The following PPFIBP2 variants were observed in gnomAD, a reference collection of about 807,000 sequenced individuals.
The protein encoded by PPFIBP2 is PPFIB scaffold protein 2.
A neutral mutation model predicts 118.3 loss-of-function variants in PPFIBP2; 118 were observed. The ratio of observed to expected loss-of-function variants is 1.00; its 90% CI spans 0.86 to 1.16. PPFIBP2 has a LOEUF of 1.16. PPFIBP2 is among the 50% of genes most tolerant of loss of function. The pLI is 0.00. For missense variants in PPFIBP2, 1,195 were observed against 1,073.1 expected (o/e 1.11, Z -1.59); for synonymous variants, 414 against 397.4 (o/e 1.04, Z -0.50).
intron 1 of PPFIBP2, among the ~76,000 whole-genome samples, chr11:7,517,249 G>A (rs1179735392): frequency 6.6e-6 from 1 of 152,182 alleles, no homozygotes; most frequent in Non-Finnish European, 1.5e-5. Flanking sequence ...GCTCGAGTGA[G>A]GGTGATGAGT....
chr11:7,569,974 T>C (rs983417183), intron 3 of PPFIBP2, among the ~76,000 whole-genome samples: 3 of 152,150 alleles, frequency 2.0e-5, no homozygotes, highest in African/African-American at 7.2e-5. Context: ...GCAGTGCTCA[T>C]CAGTGGCCCT....
rs1859618321 is a variant in PPFIBP2 at position 7,592,988 on chromosome 11, G to T, written c.280-144G>T. The stretch of plus-strand genomic sequence containing the variant: ...CCTCATGGTAGTTTTGAAATCTTGT[G>T]GTTTCCTGTTTTGATGATTGGTTTT... On this transcript the variant is annotated intron_variant, in intron 3 of 23. Transcript: ENST00000299492. The T allele has an allele frequency of 1.2e-5, 15 of 1,261,058 alleles. No homozygotes were observed. In the South Asian group the frequency reaches 2.4e-4, roughly 20 times the overall value. 78.1% of individuals were successfully genotyped at this position (1,261,058 alleles called of 1,614,324 possible).
intron 3 of PPFIBP2, chr11:7,576,619 G>C (rs1590322783): frequency 6.6e-6 from 1 of 152,656 alleles, no homozygotes. Flanking sequence ...TCCTTGGTTT[G>C]TAAAGCAGGT....
In PPFIBP2 at chr11:7,648,847, A is replaced by G. The variant is rs761637814; in HGVS notation, c.1845A>G (p.Ala615=). 1 of 1,614,190 alleles carries G rather than the reference A, an allele frequency of 6.2e-7. No individual in the cohort carries two copies. Among genetic ancestry groups the G allele is most frequent in the Non-Finnish European group, 8.5e-7 (1 of 1,180,028 alleles). The change falls in exon 19 of 24, where the codon GCA becomes GCG. Residue 615 remains alanine (A), a synonymous_variant. Coordinates refer to ENST00000299492, the MANE Select transcript of PPFIBP2 (RefSeq NM_003621.5). ...TCCACAGGAAGAAGCTTGTTTTAGC[A>G]GTGAAAGCCATCAACACCAAACAGG... The part of the protein sequence containing the change: ...HPLHRKKLVL[A]VKAINTKQEE...
At chr11:7,640,599 C>G (rs368801512) in intron 15 of PPFIBP2, among the ~76,000 whole-genome samples, 2 of 152,234 alleles carry the variant, frequency 1.3e-5, no homozygotes, top group Non-Finnish European at 2.9e-5. Flanking sequence ...AAGGCCAGCT[C>G]TGCCGTTGGC....
At chr11:7,597,714 G>A in intron 5 of PPFIBP2, 41 bp downstream of exon 5, 2 of 1,508,468 alleles carry the variant, frequency 1.3e-6, no homozygotes, top group Non-Finnish European at 1.8e-6. Context: ...TGCCGAAGCA[G>A]CTCATGTGCT....
At chr11:7,652,096 G>A (rs1379651899) in intron 23 of PPFIBP2, among the ~76,000 whole-genome samples, 2 of 152,264 alleles carry the variant, frequency 1.3e-5, no homozygotes, top group Non-Finnish European at 2.9e-5. Flanking sequence ...CCTATCCTCA[G>A]GTGGCTTAGA....
intron 5 of PPFIBP2, among the ~76,000 whole-genome samples, chr11:7,604,583 C>G (rs531304412): frequency 1.2e-4 from 18 of 151,976 alleles, no homozygotes; most frequent in Non-Finnish European, 2.4e-4. Context: ...TACTCACCCA[C>G]CCATCCACAC....
chr11:7,635,945 T>G (rs1189082508), intron 14 of PPFIBP2, among the ~76,000 whole-genome samples: 5 of 152,180 alleles, frequency 3.3e-5, no homozygotes, highest in Admixed American at 6.5e-5. Context: ...TGTGCTGATA[T>G]GTCATGGTTA....
chr11:7,558,253 G>A (rs758885784), intron 2 of PPFIBP2, among the ~76,000 whole-genome samples: 1 of 152,350 alleles, frequency 6.6e-6, no homozygotes, highest in East Asian at 1.9e-4. Context: ...AGGTGGAAGA[G>A]ATATGAGGAA....
rs955090267 is a variant in PPFIBP2 at position 7,649,020 on chromosome 11, C to T, written c.1909+109C>T. Reference sequence around the variant, plus strand: ...AGGACAGCTGTCTCCTTGTAAAAAGCAGAGGAATTACTAAACTTTTGGGGG... The same window carrying T: ...AGGACAGCTGTCTCCTTGTAAAAAGTAGAGGAATTACTAAACTTTTGGGGG... On this transcript the variant is annotated intron_variant, in intron 19 of 23. Transcript: ENST00000299492. 6.4e-5 allele frequency: 85 copies of T among 1,321,416 alleles called. No individual in the cohort carries two copies. In the Admixed American group the frequency reaches 1.7e-3, roughly 26 times the overall value. 81.9% of individuals were successfully genotyped at this position (1,321,416 alleles called of 1,614,324 possible). A position where few individuals can be genotyped will look rare whatever the true frequency, so the allele number is the denominator to read the frequency against.
At chr11:7,633,489 T>A (rs1031964168) in intron 12 of PPFIBP2, among the ~76,000 whole-genome samples, 4 of 152,164 alleles carry the variant, frequency 2.6e-5, no homozygotes, top group Admixed American at 2.6e-4. Context: ...CAGCACACAT[T>A]TTGAAATTGA....
chr11:7,641,794 A>G, intron 16 of PPFIBP2, 174 bp downstream of exon 16: 1 of 698,452 alleles, frequency 1.4e-6, no homozygotes, highest in Non-Finnish European at 2.4e-6. Context: ...AAGGAGAAGT[A>G]TGAAAGACAC....
At chr11:7,649,298 T>C (rs1029216153) in intron 20 of PPFIBP2, 63 bp downstream of exon 20, 26 of 1,440,186 alleles carry the variant, frequency 1.8e-5, no homozygotes, top group Non-Finnish European at 2.0e-5. Flanking sequence ...CGTGTACCCA[T>C]GGTGGTTATT....
At chr11:7,655,580 C>CA (rs1411740064), downstream of PPFIBP2, 14 of 1,122,710 alleles carry the variant, frequency 1.2e-5, no homozygotes, top group Non-Finnish European at 1.7e-5. Flanking sequence ...GTGGTATGCA[C>CA]AAGGCCTGGG....
At chr11:7,567,589 G>A (rs969454962) in intron 3 of PPFIBP2, among the ~76,000 whole-genome samples, 1 of 152,216 alleles carries the variant, frequency 6.6e-6, no homozygotes, top group South Asian at 2.1e-4. Flanking sequence ...TGTAAGGGCT[G>A]CATGTTAAGG....
intron 3 of PPFIBP2, among the ~76,000 whole-genome samples, chr11:7,585,918 CCA>C (rs1858077633): frequency 6.6e-6 from 1 of 152,160 alleles, no homozygotes; most frequent in African/African-American, 2.4e-5. Context: ...ATAAAAATTC[CCA>C]GTGTACTCAT....
In PPFIBP2 at chr11:7,527,446, G is replaced by A. The variant is rs555707815; in HGVS notation, c.-37+13325G>A. 2.6e-5 allele frequency among the ~76,000 whole-genome samples: 4 copies of A among 152,212 alleles called. No homozygotes were observed. The East Asian group carries it at 7.8e-4, about 30-fold the overall frequency. ...AGGTAGAGCATACTTCTCAGGTACT[G>A]TGGAATCAGTAGGATTGTGACAGTA... On this transcript the variant is annotated intron_variant, in intron 1 of 23. Transcript: ENST00000299492.
intron 2 of PPFIBP2, among the ~76,000 whole-genome samples, chr11:7,561,720 T>TAATA (rs1854317149): frequency 6.6e-6 from 1 of 152,282 alleles, no homozygotes; most frequent in South Asian, 2.1e-4. Flanking sequence ...TTAGTTATTT[T>TAATA]ACTGTGTAAC....
Sources: gnomAD v4.1 joint callset for allele counts (sites outside exome capture counted in the v4.1 genomes callset) on GRCh38, gnomAD v4.1.1 for gene constraint, MANE v1.5 for transcripts, NCBI Gene and HGNC (gene_info 2026-07-23, HGNC 2026-07-21) for gene names.